CCSER1: variants seen among roughly 807,000 people sequenced by gnomAD.
CCSER1 encodes serine-rich coiled-coil domain-containing protein 1.
Under a neutral mutation model 82.0 loss-of-function variants are expected in CCSER1, and 41 were observed. The observed-to-expected ratio is 0.50, with a 90% CI of 0.39 to 0.65. CCSER1 has a LOEUF of 0.65. Among genes scored for constraint, CCSER1 ranks in the 30% least tolerant of loss-of-function variants. CCSER1 has a pLI of 0.00. For synonymous variants in CCSER1, 414 were observed against 383.9 expected (o/e 1.08, Z -0.92); for missense variants, 1,119 against 1,064.2 (o/e 1.05, Z -0.72).
rs1031832453 is a variant in CCSER1, at chr4:91,473,072, C to T, written c.2218-125500C>T. Among the ~76,000 whole-genome samples the T allele has an allele frequency of 2.6e-5, 4 of 152,106 alleles. No homozygotes were observed. The South Asian group carries it at 8.3e-4, about 31-fold the overall frequency. ...GATATTTCATATTCTGTGTGTTCCG[C>T]CAATGCCCAGTATTACATGGTATTA... On this transcript the variant is annotated intron_variant, in intron 10 of 10. Transcript: ENST00000509176.
chr4:90,524,229 G>T (rs555877501), intron 5 of CCSER1, among the ~76,000 whole-genome samples: 76 of 152,212 alleles, frequency 5.0e-4, no homozygotes, highest in African/African-American at 1.6e-3. Flanking sequence ...TTAAAATTAG[G>T]CTTAGTTGTC....
chr4:91,090,290 T>C (rs1478640902), intron 10 of CCSER1, among the ~76,000 whole-genome samples: 2 of 152,148 alleles, frequency 1.3e-5, no homozygotes, highest in African/African-American at 4.8e-5. Context: ...TGTCCACTGA[T>C]CAGGTGGCTT....
intron 6 of CCSER1, chr4:90,649,766 A>G (rs947928832): frequency 3.9e-5 from 6 of 152,242 alleles, no homozygotes; most frequent in African/African-American, 1.4e-4. Context: ...AATCATATTT[A>G]TAATAACTAT....
At chr4:90,288,183 G>A (rs972148955) in intron 1 of CCSER1, among the ~76,000 whole-genome samples, 1 of 151,838 alleles carries the variant, frequency 6.6e-6, no homozygotes, top group Non-Finnish European at 1.5e-5. Context: ...GTACAAAGAG[G>A]CTATCTCTCT....
At chr4:90,967,331 C>T (rs1229343223) in intron 9 of CCSER1, among the ~76,000 whole-genome samples, 1 of 151,876 alleles carries the variant, frequency 6.6e-6, no homozygotes, top group Non-Finnish European at 1.5e-5. Flanking sequence ...CACCTATGGT[C>T]CCAGCTACCC....
At chr4:90,640,814 T>G (rs1449020829) in intron 6 of CCSER1, among the ~76,000 whole-genome samples, 1 of 152,170 alleles carries the variant, frequency 6.6e-6, no homozygotes, top group Non-Finnish European at 1.5e-5. Flanking sequence ...CCTTTCATCT[T>G]CCACCATGAC....
chr4:90,896,370 G>A (rs552248539), intron 8 of CCSER1, among the ~76,000 whole-genome samples: 55 of 151,958 alleles, frequency 3.6e-4, no homozygotes, highest in African/African-American at 1.3e-3. Flanking sequence ...TAAGGAGAGA[G>A]GTGATCTTTC....
At chr4:91,452,582 C>T (rs2149421204) in intron 10 of CCSER1, among the ~76,000 whole-genome samples, 1 of 152,136 alleles carries the variant, frequency 6.6e-6, no homozygotes, top group Admixed American at 6.6e-5. Flanking sequence ...AAAGTGATAA[C>T]AGAAAAGGGT....
intron 10 of CCSER1, among the ~76,000 whole-genome samples, chr4:91,386,894 C>T (rs1306093239): frequency 6.6e-6 from 1 of 151,736 alleles, no homozygotes; most frequent in Non-Finnish European, 1.5e-5. Flanking sequence ...TCATATTCTT[C>T]AAAAATGTAA....
chr4:91,055,882 C>T (rs1348735765), intron 9 of CCSER1, among the ~76,000 whole-genome samples: 1 of 147,024 alleles, frequency 6.8e-6, no homozygotes, highest in Non-Finnish European at 1.5e-5. Flanking sequence ...CACTTTTCTT[C>T]AATCTTTTTC....
intron 10 of CCSER1, among the ~76,000 whole-genome samples, chr4:91,179,968 T>C (rs1733838380): frequency 6.6e-6 from 1 of 152,206 alleles, no homozygotes; most frequent in Non-Finnish European, 1.5e-5. Flanking sequence ...TTGATGATGG[T>C]GATGTACAGA....
intron 6 of CCSER1, among the ~76,000 whole-genome samples, chr4:90,710,423 G>C (rs759922326): frequency 1.3e-5 from 2 of 152,080 alleles, no homozygotes; most frequent in African/African-American, 4.8e-5. Context: ...GTCCTGAATG[G>C]TATTGACCAG....
chr4:90,166,438 T>C (rs959423166), intron 1 of CCSER1, among the ~76,000 whole-genome samples: 1 of 152,000 alleles, frequency 6.6e-6, no homozygotes, highest in Non-Finnish European at 1.5e-5. Context: ...GATAAGACAG[T>C]ATACCATATA....
intron 9 of CCSER1, among the ~76,000 whole-genome samples, chr4:91,052,626 G>A (rs1408340380): frequency 6.6e-6 from 1 of 151,988 alleles, no homozygotes; most frequent in Non-Finnish European, 1.5e-5. Flanking sequence ...AATATTTAAA[G>A]GAAAGGAACT....
In CCSER1 at chr4:90,749,645, C is replaced by T. The variant is rs190979072; in HGVS notation, c.2010+25654C>T. Among the ~76,000 whole-genome samples, 12 of 152,184 alleles carry T rather than the reference C, an allele frequency of 7.9e-5. No individual in the cohort carries two copies. The East Asian group carries it at 1.9e-3, about 24-fold the overall frequency. ...ACCTTGGGCAGTATGGCCATTTTCA[C>T]GATATTGATTCTTCCTACCCCACAT... On this transcript the variant is annotated intron_variant, in intron 7 of 10. Coordinates refer to ENST00000509176, the MANE Select transcript of CCSER1 (RefSeq NM_001145065.2).
chr4:90,226,075 T>C (rs1174977924), intron 1 of CCSER1, among the ~76,000 whole-genome samples: 3 of 152,178 alleles, frequency 2.0e-5, no homozygotes, highest in Non-Finnish European at 4.4e-5. Context: ...ATGAGAGAGA[T>C]GCCTGGTTAG....
chr4:91,555,010 T>C (rs1762336431), intron 10 of CCSER1, among the ~76,000 whole-genome samples: 1 of 151,336 alleles, frequency 6.6e-6, no homozygotes, highest in African/African-American at 2.4e-5. Flanking sequence ...TGGACCCTTA[T>C]CTCATGCCAT....
chr4:90,365,349 A>G (rs1304367429), intron 3 of CCSER1, among the ~76,000 whole-genome samples: 1 of 151,822 alleles, frequency 6.6e-6, no homozygotes, highest in Admixed American at 6.6e-5. Context: ...ATATTTACAT[A>G]TGTATATAAA....
chr4:91,068,413 A>G (rs1461594), intron 9 of CCSER1, among the ~76,000 whole-genome samples: 59,937 of 152,068 alleles, frequency 0.39, 12,726 homozygotes, highest in East Asian at 0.66. Context: ...GAGACTGCAC[A>G]TTTATTTTTC....
Sources: gnomAD v4.1 joint callset for allele counts (sites outside exome capture counted in the v4.1 genomes callset) on GRCh38, gnomAD v4.1.1 for gene constraint, MANE v1.5 for transcripts, NCBI Gene and HGNC (gene_info 2026-07-23, HGNC 2026-07-21) for gene names.